Variants in IRS1 observed in about 807,000 individuals in gnomAD.
IRS1 encodes the protein insulin receptor substrate 1.
IRS1 carries 34 observed loss-of-function variants against 65.6 expected under a neutral mutation model. The ratio of observed to expected loss-of-function variants is 0.52; its 90% confidence interval spans 0.39 to 0.69. The LOEUF is 0.69. Ranked by LOEUF, IRS1 falls within the 30% of genes least tolerant of loss-of-function variation. The probability of loss-of-function intolerance (pLI) is 0.00; values close to 1 mark genes in which losing one functional copy is unlikely to be tolerated. For synonymous variants in IRS1, 699 were observed against 683.5 expected, an observed-to-expected ratio of 1.02 and a Z score of -0.35; for missense variants, 1,641 against 1,720.2, an observed-to-expected ratio of 0.95 and a Z score of 0.81.
At chr2:226,741,830 A>ACACACACAC (rs1938446438) in intron 1 of IRS1, among the ~76,000 whole-genome samples, 1 of 84,228 alleles carries the variant, frequency 1.2e-5, no homozygotes, top group African/African-American at 4.3e-5. Flanking sequence ...CACACACATA[A>ACACACACAC]CACACACACA....
At chr2:226,781,905 C>CACACACACAT (rs1426885008) in intron 1 of IRS1, among the ~76,000 whole-genome samples, 3 of 150,228 alleles carry the variant, frequency 2.0e-5, no homozygotes, top group African/African-American at 7.3e-5. Context: ...CACACACACA[C>CACACACACAT]ACGTTTGGGC....
intron 1 of IRS1, among the ~76,000 whole-genome samples, chr2:226,779,565 C>A (rs1939341566): frequency 2.0e-5 from 3 of 152,152 alleles, no homozygotes; most frequent in Admixed American, 2.0e-4. Context: ...TGTGAATCAA[C>A]CGTGAAGGGC....
In IRS1 at chr2:226,731,448, A is replaced by G. The variant is rs1184421743; in HGVS notation, c.*4824T>C. 1 of 152,210 alleles carries G rather than the reference A, an allele frequency of 6.6e-6. No individual in the cohort carries two copies. The highest frequency in any genetic ancestry group is 1.5e-5 in the Non-Finnish European group (1 of 68,036). The allele number at this position is 152,210 out of a possible 1,614,324, so 9.4% of individuals were successfully genotyped here. ...TTGATGATGAAGACACTACAATTCTAAGTACCAGACAGAATCAGGAAAAAA... is the reference window on the plus strand; with the variant it reads ...TTGATGATGAAGACACTACAATTCTGAGTACCAGACAGAATCAGGAAAAAA... On this transcript the variant is annotated 3_prime_UTR_variant, in exon 2 of 2. Transcript: ENST00000305123.
intron 1 of IRS1, among the ~76,000 whole-genome samples, chr2:226,750,963 CA>C (rs1938666713): frequency 6.6e-6 from 1 of 151,932 alleles, no homozygotes; most frequent in South Asian, 2.1e-4. Context: ...AGTAAAGAAC[CA>C]AAAAGGAAGG....
intron 1 of IRS1, among the ~76,000 whole-genome samples, chr2:226,763,180 G>T (rs552332312): frequency 6.6e-6 from 1 of 152,268 alleles, no homozygotes; most frequent in East Asian, 1.9e-4. Flanking sequence ...ATGCATTGCT[G>T]AAGGCCTTGT....
chr2:226,767,816 AT>A (rs928373072), intron 1 of IRS1, among the ~76,000 whole-genome samples: 19 of 152,300 alleles, frequency 1.2e-4, no homozygotes, highest in African/African-American at 4.3e-4. Flanking sequence ...GTCTCAGCTG[AT>A]TGGCACTATC....
chr2:226,777,528 G>A (rs1053330198), intron 1 of IRS1, among the ~76,000 whole-genome samples: 4 of 152,200 alleles, frequency 2.6e-5, no homozygotes, highest in Admixed American at 1.3e-4. Flanking sequence ...GAGGAAACTC[G>A]CTGATATGGC....
rs1470285115 is a variant in IRS1, at chr2:226,799,809, C to A, written c.-1071G>T. 1.0e-6 allele frequency: 1 copy of A among 988,284 alleles called. No homozygotes were observed. The highest frequency in any genetic ancestry group is 1.2e-6 in the Non-Finnish European group (1 of 829,760). The allele number at this position is 988,284 out of a possible 1,614,324, so 61.2% of individuals were successfully genotyped here. A position where few individuals can be genotyped will look rare whatever the true frequency, so the allele number is the denominator to read the frequency against. On this transcript the variant is annotated 5_prime_UTR_variant, in exon 1 of 2. Coordinates refer to ENST00000305123, the MANE Select transcript of IRS1 (RefSeq NM_005544.3). The surrounding 1 kb of genome is among the most constrained non-coding windows in gnomAD (Gnocchi z 6.1). ...TGACGGAGCCTCCGCGCTCGGCAGC[C>A]GGGCAGCCGCCGCCGGGAGGCTCCC...
At position 226,796,335 on chromosome 2, in the gene IRS1, C is replaced by G; in HGVS notation, c.2404G>C (p.Ala802Pro). Reference protein sequence around the residue: ...STSSGRLLYAATADDSSSSTS... With the variant: ...STSSGRLLYAPTADDSSSSTS... ...GAAGAGGAAGAATCATCTGCTGTTGCAGCATAGAGAAGGCGACCAGAGCTA... is the reference window on the plus strand; with the variant it reads ...GAAGAGGAAGAATCATCTGCTGTTGGAGCATAGAGAAGGCGACCAGAGCTA... The change falls in exon 1 of 2, where the codon GCA becomes CCA. Residue 802 changes from alanine to proline, a missense_variant. Ala to Pro is a conservative substitution (Grantham distance 27). Coordinates refer to ENST00000305123, the MANE Select transcript of IRS1 (RefSeq NM_005544.3). The G allele has an allele frequency of 6.2e-7, 1 of 1,613,358 alleles. No individual in the cohort carries two copies. Among genetic ancestry groups the G allele is most frequent in the Non-Finnish European group, 8.5e-7 (1 of 1,180,030 alleles).
intron 1 of IRS1, among the ~76,000 whole-genome samples, chr2:226,737,705 A>T (rs1938355747): frequency 6.6e-6 from 1 of 152,140 alleles, no homozygotes; most frequent in South Asian, 2.1e-4. Flanking sequence ...CACATGGAGG[A>T]TGGAAAGAAT....
chr2:226,756,002 G>A (rs1400821243), intron 1 of IRS1, among the ~76,000 whole-genome samples: 4 of 152,166 alleles, frequency 2.6e-5, no homozygotes, highest in African/African-American at 9.7e-5. Context: ...AAAACACAAT[G>A]CCCATTCACA....
At chr2:226,740,465 T>A (rs1055893024) in intron 1 of IRS1, among the ~76,000 whole-genome samples, 2 of 152,198 alleles carry the variant, frequency 1.3e-5, no homozygotes, top group East Asian at 3.8e-4. Flanking sequence ...ACTTAAACTA[T>A]GCCTATAATA....
At chr2:226,766,136 TATATATATATATATATA>T (rs1559151904) in intron 1 of IRS1, among the ~76,000 whole-genome samples, 57 of 3,506 alleles carry the variant, frequency 0.016, 8 homozygotes, top group Non-Finnish European at 0.025. Flanking sequence ...TATATATATA[TATATATATATATATATA>T]TATATATATA....
chr2:226,746,020 A>G (rs899473701), intron 1 of IRS1, among the ~76,000 whole-genome samples: 2 of 152,244 alleles, frequency 1.3e-5, no homozygotes, highest in African/African-American at 2.4e-5. Flanking sequence ...CCTACACAGG[A>G]AAGAGTACAA....
In IRS1 at chr2:226,798,515, C is replaced by T; in HGVS notation, c.224G>A (p.Arg75Gln). Residue 75 changes from arginine (R) to glutamine (Q), a missense_variant, in exon 1 of 2, where the codon CGG becomes CAG. Arg to Gln is a conservative substitution (Grantham distance 43, BLOSUM62 1). Transcript: ENST00000305123. This position sits in a 1 kb window ranked among gnomAD's most constrained non-coding sequence, Gnocchi z 9.4. Reference protein sequence around the residue: ...PLESCFNINKRADSKNKHLVA... With the variant: ...PLESCFNINKQADSKNKHLVA... Reference sequence around the variant, plus strand: ...CAGGTGCTTGTTCTTGGAGTCAGCCCGCTTGTTGATGTTGAAGCAGCTCTC... The same window carrying T: ...CAGGTGCTTGTTCTTGGAGTCAGCCTGCTTGTTGATGTTGAAGCAGCTCTC... 6.2e-7 allele frequency: 1 copy of T among 1,614,112 alleles called. No individual in the cohort carries two copies. Among genetic ancestry groups the T allele is most frequent in the South Asian group, 1.1e-5 (1 of 91,088 alleles).
intron 1 of IRS1, among the ~76,000 whole-genome samples, chr2:226,749,092 AAACATC>A (rs1452665201): frequency 9.2e-5 from 14 of 152,182 alleles, no homozygotes. Flanking sequence ...CCTTACTATC[AAACATC>A]AACAGGCTAT....
rs1201079986 is a variant in IRS1 at position 226,796,811 on chromosome 2, G to A, written c.1928C>T (p.Pro643Leu). 3.2e-6 allele frequency: 5 copies of A among 1,570,546 alleles called. No individual in the cohort carries two copies. The highest frequency in any genetic ancestry group is 1.4e-5 in the African/African-American group (1 of 74,018). Reference sequence around the variant, plus strand: ...TCTGATGGGATTGATGATCTGCTGTGGGGCAGATACGCTCTTGGGGCTCAT... The same window carrying A: ...TCTGATGGGATTGATGATCTGCTGTAGGGCAGATACGCTCTTGGGGCTCAT... ...MPMSPKSVSA[P>L]QQIINPIRRH... Residue 643 changes from proline to leucine, a missense_variant, in exon 1 of 2, where the codon CCA (proline) becomes CTA (leucine). Physicochemically the swap from Pro to Leu is moderately conservative, Grantham distance 98. Around this residue, in one of 3 missense-constraint regions of IRS1, gnomAD observed 1,324 missense variants for 1,361.0 expected, o/e 0.97. Transcript: ENST00000305123.
intron 1 of IRS1, among the ~76,000 whole-genome samples, chr2:226,775,377 G>C (rs1939251072): frequency 6.6e-6 from 1 of 152,180 alleles, no homozygotes; most frequent in African/African-American, 2.4e-5. Flanking sequence ...ACAATTAAAT[G>C]GATCAAGGAT....
chr2:226,795,689 G>A lies in IRS1; in HGVS notation c.3050C>T (p.Thr1017Ile). Residue 1017 changes from threonine to isoleucine, a missense_variant, in exon 1 of 2, where the codon ACA becomes ATA. Coordinates refer to ENST00000305123, the MANE Select transcript of IRS1 (RefSeq NM_005544.3). ...GCTCACCTCCTCTGCAGCAATGCCT[G>A]TTCGCATGTCAGCATAGCTTACAGG... ...AAPVSYADMR[T>I]GIAAEEVSLP... 6.2e-7 allele frequency: 1 copy of A among 1,613,346 alleles called. No homozygotes were observed. Among genetic ancestry groups the A allele is most frequent in the Non-Finnish European group, 8.5e-7 (1 of 1,180,006 alleles).
Sources: gnomAD v4.1 joint callset for allele counts (sites outside exome capture counted in the v4.1 genomes callset) on GRCh38, gnomAD v4.1.1 for gene constraint, gnomAD v4.1.1 regional missense constraint, Gnocchi (gnomAD v3.1) non-coding constraint, MANE v1.5 for transcripts, NCBI Gene and HGNC (gene_info 2026-07-23, HGNC 2026-07-21) for gene names.